The following DPP6 variants were observed in gnomAD, a reference collection of about 807,000 sequenced individuals.
DPP6 encodes dipeptidyl peptidase like 6, also known as A-type potassium channel modulatory protein DPP6.
In DPP6, 69 loss-of-function variants were observed where a neutral mutation model predicts 122.6. The observed-to-expected ratio is 0.56, with a 90% confidence interval of 0.46 to 0.69. The LOEUF (loss-of-function observed/expected upper bound fraction) is 0.69. DPP6 is among the 30% of genes least tolerant of loss of function. DPP6 has a pLI of 0.00. For synonymous variants in DPP6, 418 were observed against 433.1 expected (o/e 0.97, Z 0.43); for missense variants, 928 against 1,116.9 (o/e 0.83, Z 2.41).
chr7:154,819,446 T>C (rs1272791798), intron 16 of DPP6, among the ~76,000 whole-genome samples: 3 of 152,134 alleles, frequency 2.0e-5, no homozygotes, highest in Non-Finnish European at 4.4e-5. Flanking sequence ...AATTAATTAA[T>C]TCAACTCAAT....
At chr7:153,752,274 C>T in the DPP6 span, among the ~76,000 whole-genome samples, 233 of 147,060 alleles carry the variant, frequency 1.6e-3, no homozygotes, top group African/African-American at 5.7e-3. Context: ...TTTTTGAGAC[C>T]GAGTCTCGCT....
chr7:154,104,108 C>T (rs1057510208), intron 1 of DPP6, among the ~76,000 whole-genome samples: 1 of 152,232 alleles, frequency 6.6e-6, no homozygotes, highest in South Asian at 2.1e-4. Flanking sequence ...GGTTGCCCAC[C>T]CTTCTTTGTC....
At chr7:154,728,929 G>C (rs1842202908) in intron 8 of DPP6, among the ~76,000 whole-genome samples, 1 of 152,094 alleles carries the variant, frequency 6.6e-6, no homozygotes, top group Non-Finnish European at 1.5e-5. Flanking sequence ...CCTTACAAAG[G>C]CTCCACCTCC....
intron 7 of DPP6, among the ~76,000 whole-genome samples, chr7:154,698,241 T>A (rs1404888322): frequency 6.6e-6 from 1 of 152,216 alleles, no homozygotes; most frequent in African/African-American, 2.4e-5. Flanking sequence ...TAGTATTTCA[T>A]TGAGTCGATC....
the DPP6 span, among the ~76,000 whole-genome samples, chr7:153,832,652 C>T: frequency 3.3e-5 from 5 of 151,664 alleles, no homozygotes; most frequent in South Asian, 2.1e-4. Context: ...GTCAAGAATG[C>T]GTGACCCAGA....
intron 1 of DPP6, among the ~76,000 whole-genome samples, chr7:154,354,251 C>G (rs527292170): frequency 6.6e-6 from 1 of 152,310 alleles, no homozygotes; most frequent in African/African-American, 2.4e-5. Flanking sequence ...CTATGAGTTC[C>G]ACAATTCTCA....
intron 3 of DPP6, among the ~76,000 whole-genome samples, chr7:154,493,283 G>A (rs1412238830): frequency 1.3e-5 from 2 of 152,294 alleles, no homozygotes; most frequent in East Asian, 1.9e-4. Context: ...TTGGATAAGG[G>A]TCATTTTGTA....
intron 1 of DPP6, among the ~76,000 whole-genome samples, chr7:153,950,661 C>G (rs372388769): frequency 3.3e-5 from 5 of 152,132 alleles, no homozygotes; most frequent in African/African-American, 4.8e-5. Flanking sequence ...GCATTGCTTA[C>G]AGAGAGAGGA....
chr7:153,774,310 C>A, the DPP6 span, among the ~76,000 whole-genome samples: 1 of 152,048 alleles, frequency 6.6e-6, no homozygotes, highest in Non-Finnish European at 1.5e-5. Flanking sequence ...CCGGAAGGTA[C>A]AATACAGAGG....
chr7:154,054,656 A>C (rs1353531400), intron 1 of DPP6, among the ~76,000 whole-genome samples: 1 of 151,866 alleles, frequency 6.6e-6, no homozygotes, highest in Non-Finnish European at 1.5e-5. Flanking sequence ...ATCTGGTTCA[A>C]GTCTTTGGCA....
intron 3 of DPP6, among the ~76,000 whole-genome samples, chr7:154,504,418 A>T (rs1424040376): frequency 6.6e-6 from 1 of 152,202 alleles, no homozygotes; most frequent in Non-Finnish European, 1.5e-5. Flanking sequence ...CCTGTCATTT[A>T]TAATAACATT....
intron 1 of DPP6, among the ~76,000 whole-genome samples, chr7:154,418,067 CATTTGCAGGAGTCTTTGTCTCCTA>C (rs1317283391): frequency 6.6e-6 from 1 of 152,236 alleles, no homozygotes; most frequent in Admixed American, 6.5e-5. Context: ...ATAGGACCTG[CATTTGCAGGAGTCTTTGTCTCCTA>C]ATTTTCCTTC....
intron 7 of DPP6, among the ~76,000 whole-genome samples, chr7:154,682,208 G>C (rs2131172927): frequency 6.6e-6 from 1 of 152,350 alleles, no homozygotes; most frequent in Middle Eastern, 3.4e-3. Flanking sequence ...AGAAAATCTG[G>C]ATTTTCGAGT....
At chr7:154,846,691 T>G (rs1476089549) in intron 16 of DPP6, among the ~76,000 whole-genome samples, 3 of 152,130 alleles carry the variant, frequency 2.0e-5, no homozygotes, top group Non-Finnish European at 1.5e-5. Flanking sequence ...TAGCAGAAAA[T>G]GAAAGGAAAC....
At chr7:154,767,461 G>A (rs1795980563) in intron 8 of DPP6, among the ~76,000 whole-genome samples, 1 of 152,158 alleles carries the variant, frequency 6.6e-6, no homozygotes, top group Non-Finnish European at 1.5e-5. Context: ...TCACTTCTGA[G>A]TCACCTCATC....
At chr7:154,729,930 A>T (rs1397684269) in intron 8 of DPP6, among the ~76,000 whole-genome samples, 1 of 152,204 alleles carries the variant, frequency 6.6e-6, no homozygotes, top group Admixed American at 6.5e-5. Flanking sequence ...GTGCAGAAAC[A>T]GCCCTAGAAA....
chr7:154,626,217 T>A (rs558025422), intron 5 of DPP6, among the ~76,000 whole-genome samples: 33 of 152,256 alleles, frequency 2.2e-4, no homozygotes, highest in Non-Finnish European at 3.7e-4. Context: ...TGAAGACACA[T>A]AGGAGCAGCT....
In DPP6 at chr7:154,061,905, C is replaced by A. The variant is rs1801999333; in HGVS notation, c.243+8842C>A. On this transcript the variant is annotated intron_variant, in intron 1 of 25. Transcript: ENST00000377770. ...CAGGGACTGAGAGGCAATCCCTCTT[C>A]CCCCCCTGGCTCTGAGGACCCCCAT... Among the ~76,000 whole-genome samples the A allele has an allele frequency of 2.4e-5, 3 of 123,546 alleles. 1 individual carries two copies. In the South Asian group the frequency reaches 9.2e-4, roughly 38 times the overall value. The allele number at this position is 123,546 out of a possible 152,430, so 81.1% of individuals were successfully genotyped here. A position where few individuals can be genotyped will look rare whatever the true frequency, so the allele number is the denominator to read the frequency against.
At position 154,112,347 on chromosome 7, in the gene DPP6, A is replaced by G. The variant is rs571158050; in HGVS notation, c.243+59284A>G. On this transcript the variant is annotated intron_variant, in intron 1 of 25. Transcript: ENST00000377770. ...CTGTTTAGTAGCAAGGAATGCATCA[A>G]CAATAGATAAAAGGTGGCCAGGCAT... 5.3e-5 allele frequency among the ~76,000 whole-genome samples: 8 copies of G among 152,196 alleles called. No homozygotes were observed. The South Asian group carries it at 1.5e-3, about 28-fold the overall frequency.
Sources: gnomAD v4.1 joint callset for allele counts (sites outside exome capture counted in the v4.1 genomes callset) on GRCh38, gnomAD v4.1.1 for gene constraint, MANE v1.5 for transcripts, NCBI Gene and HGNC (gene_info 2026-07-23, HGNC 2026-07-21) for gene names.